FAM53B: variants seen among roughly 807,000 people sequenced by gnomAD.
The protein encoded by FAM53B is protein FAM53B.
A neutral mutation model predicts 32.7 loss-of-function variants in FAM53B; 12 were observed. That is an observed-to-expected ratio of 0.37 (90% CI 0.24 to 0.59). FAM53B has a LOEUF of 0.59. Among genes scored for constraint, FAM53B ranks in the 20% least tolerant of loss-of-function variants. The pLI, the probability that FAM53B is intolerant of heterozygous loss-of-function variation, is 0.72. For missense variants in FAM53B, 477 were observed against 577.7 expected (o/e 0.83, Z 1.79); for synonymous variants, 234 against 228.7 (o/e 1.02, Z -0.21).
rs1438646714 is a variant in FAM53B, at chr10:124,681,683, T to C, written c.830A>G (p.Lys277Arg). 14 of 1,612,488 alleles carry C rather than the reference T, an allele frequency of 8.7e-6. No homozygotes were observed. The highest frequency in any genetic ancestry group is 1.0e-5 in the Non-Finnish European group (12 of 1,179,382). Residue 277 changes from lysine to arginine, a missense_variant, in exon 4 of 5, where the codon AAG becomes AGG. Lys to Arg is a conservative substitution (Grantham distance 26). This residue lies in a region of FAM53B where 312 missense variants were observed against 420.2 expected (regional missense o/e 0.74). Coordinates refer to ENST00000337318, the MANE Select transcript of FAM53B (RefSeq NM_014661.4). ...RSQPCVLNDK[K>R]VGVKRRRPEE... ...AGGGCGCCGCCTTTTAACACCGACCTTCTTGTCGTTAAGGACACACGGCTG... is the reference window on the plus strand; with the variant it reads ...AGGGCGCCGCCTTTTAACACCGACCCTCTTGTCGTTAAGGACACACGGCTG...
At chr10:124,656,744 G>A (rs1240085755) in intron 4 of FAM53B, among the ~76,000 whole-genome samples, 2 of 152,136 alleles carry the variant, frequency 1.3e-5, no homozygotes, top group African/African-American at 2.4e-5. Context: ...ACAAACTAAG[G>A]ATACAAGAGC....
intron 1 of FAM53B, among the ~76,000 whole-genome samples, chr10:124,724,181 G>C (rs1386186298): frequency 4.6e-5 from 7 of 152,216 alleles, no homozygotes; most frequent in African/African-American, 1.7e-4. Context: ...TTTCCTAGAG[G>C]AAGCGGCATG....
rs1254391300 is a variant in FAM53B at position 124,733,187 on chromosome 10, C to G, written c.-175+10826G>C. On this transcript the variant is annotated intron_variant, in intron 1 of 4. Coordinates refer to ENST00000337318, the MANE Select transcript of FAM53B (RefSeq NM_014661.4). The surrounding 1 kb of genome is among the most constrained non-coding windows in gnomAD (Gnocchi z 4.3). ...AACCCTACCAGCCTTGGAAAACACA[C>G]CCCCCAAAGCTAAGATGGGCTGCTA... 6.6e-6 allele frequency among the ~76,000 whole-genome samples: 1 copy of G among 152,208 alleles called. No individual in the cohort carries two copies. Among genetic ancestry groups the G allele is most frequent in the African/African-American group, 2.4e-5 (1 of 41,450 alleles).
Position 124,733,466 on chromosome 10 carries a change from C to G in FAM53B, c.-175+10547G>C, listed in dbSNP as rs1950157347. ...ACAGGCTATGACAGAGCCCAGGGGG[C>G]ACCGAAGCTCCCTCTTCCATCGCAC... On this transcript the variant is annotated intron_variant, in intron 1 of 4. Coordinates refer to ENST00000337318, the MANE Select transcript of FAM53B (RefSeq NM_014661.4). The surrounding 1 kb of genome is among the most constrained non-coding windows in gnomAD (Gnocchi z 4.3). Among the ~76,000 whole-genome samples, 1 of 152,218 alleles carries G rather than the reference C, an allele frequency of 6.6e-6. No homozygotes were observed. The highest frequency in any genetic ancestry group is 1.5e-5 in the Non-Finnish European group (1 of 68,040).
intron 3 of FAM53B, among the ~76,000 whole-genome samples, chr10:124,693,647 G>A (rs943918272): frequency 2.6e-5 from 4 of 152,152 alleles, no homozygotes; most frequent in African/African-American, 9.7e-5. Flanking sequence ...GCAAGCGCAG[G>A]AAAGGGATAG....
intron 4 of FAM53B, among the ~76,000 whole-genome samples, chr10:124,642,090 G>A (rs1949479310): frequency 6.6e-6 from 1 of 152,236 alleles, no homozygotes; most frequent in Non-Finnish European, 1.5e-5. Context: ...GTTCCTCGAG[G>A]AAGAATAAGC....
At chr10:124,729,886 C>A (rs1950130009) in intron 1 of FAM53B, among the ~76,000 whole-genome samples, 1 of 152,170 alleles carries the variant, frequency 6.6e-6, no homozygotes, top group Non-Finnish European at 1.5e-5. Flanking sequence ...TGCCTTCACC[C>A]CTCAGAATGA....
chr10:124,696,243 T>C, intron 2 of FAM53B, 31 bp from the exon 3 acceptor site: 2 of 1,599,106 alleles, frequency 1.3e-6, no homozygotes, highest in Non-Finnish European at 1.7e-6. Flanking sequence ...TATTCACTCT[T>C]CAAATCATAG....
intron 4 of FAM53B, among the ~76,000 whole-genome samples, chr10:124,641,325 G>GT (rs1447615124): frequency 6.6e-6 from 1 of 152,256 alleles, no homozygotes; most frequent in African/African-American, 2.4e-5. Flanking sequence ...CAGATGGGAA[G>GT]TGTGAGCTGT....
At chr10:124,705,247 CCAGGCAA>C (rs910343979) in intron 2 of FAM53B, among the ~76,000 whole-genome samples, 4 of 152,176 alleles carry the variant, frequency 2.6e-5, no homozygotes, top group Non-Finnish European at 5.9e-5. Flanking sequence ...CGTCCAGACA[CCAGGCAA>C]CAGGCAGAGG....
intron 4 of FAM53B, among the ~76,000 whole-genome samples, chr10:124,663,948 C>T (rs570313671): frequency 1.6e-4 from 25 of 152,220 alleles, no homozygotes; most frequent in East Asian, 7.7e-4. Flanking sequence ...CCCAGCCTCC[C>T]TGTTCGTCAG....
At chr10:124,676,346 C>T (rs1949736327) in intron 4 of FAM53B, among the ~76,000 whole-genome samples, 2 of 152,308 alleles carry the variant, frequency 1.3e-5, no homozygotes, top group East Asian at 1.9e-4. Flanking sequence ...GCTTCCCACC[C>T]TGAGAGGAAG....
At chr10:124,672,920 A>C (rs569238357) in intron 4 of FAM53B, among the ~76,000 whole-genome samples, 142 of 152,354 alleles carry the variant, frequency 9.3e-4, no homozygotes, top group African/African-American at 3.3e-3. Context: ...CAGATCAAGA[A>C]GAAATACAGT....
chr10:124,662,545 G>T (rs111565909), intron 4 of FAM53B, among the ~76,000 whole-genome samples: 2,156 of 146,030 alleles, frequency 0.015, 26 homozygotes, highest in Non-Finnish European at 0.023. Flanking sequence ...GGTGGGCACA[G>T]TAGCTCACAT....
intron 2 of FAM53B, chr10:124,704,304 G>A (rs1468095745): frequency 3.9e-5 from 6 of 152,294 alleles, no homozygotes; most frequent in Non-Finnish European, 5.9e-5. Flanking sequence ...CACCTGCCAC[G>A]GGCTGGGCCC....
chr10:124,671,177 A>G (rs1291735667), intron 4 of FAM53B: 2 of 453,952 alleles, frequency 4.4e-6, no homozygotes, highest in East Asian at 7.0e-5. Context: ...AATCTGCTCC[A>G]TTCACAGCAG....
chr10:124,622,469 G>A lies in FAM53B; in HGVS notation c.*773C>T, dbSNP rs537633658. The A allele has an allele frequency of 6.6e-6, 1 of 152,292 alleles. No homozygotes were observed. Among genetic ancestry groups the A allele is most frequent in the African/African-American group, 2.4e-5 (1 of 41,544 alleles). The allele number at this position is 152,292 out of a possible 1,614,324, so 9.4% of individuals were successfully genotyped here. A position where few individuals can be genotyped will look rare whatever the true frequency, so the allele number is the denominator to read the frequency against. ...GCCCCAACGGTGGCAGAGCCATGGGGTCAGCCTCTCCATGCTGTAGGAGAG... is the reference window on the plus strand; with the variant it reads ...GCCCCAACGGTGGCAGAGCCATGGGATCAGCCTCTCCATGCTGTAGGAGAG... On this transcript the variant is annotated 3_prime_UTR_variant, in exon 5 of 5. Coordinates refer to ENST00000337318, the MANE Select transcript of FAM53B (RefSeq NM_014661.4).
rs374366108 is a variant in FAM53B, at chr10:124,672,669, C to G, written c.906+8938G>C. Among the ~76,000 whole-genome samples, 12 of 152,316 alleles carry G rather than the reference C, an allele frequency of 7.9e-5. No individual in the cohort carries two copies. In the East Asian group the frequency reaches 1.4e-3, roughly 17 times the overall value. ...CCCAGCCCTTCTCCAGCCCAGAGTT[C>G]AGAATGCGCAGCCACTTTCAAATGG... is the stretch of plus-strand genomic sequence containing the variant. On this transcript the variant is annotated intron_variant, in intron 4 of 4. Coordinates refer to ENST00000337318, the MANE Select transcript of FAM53B (RefSeq NM_014661.4).
chr10:124,621,373 G>C lies in FAM53B; in HGVS notation c.*1869C>G, dbSNP rs1479799651. On this transcript the variant is annotated 3_prime_UTR_variant, in exon 5 of 5. Coordinates refer to ENST00000337318, the MANE Select transcript of FAM53B (RefSeq NM_014661.4). Reference sequence around the variant, plus strand: ...GGCAGGGACAGGCCAAGATGTCTCTGTCTGCTCAGAGCCACCAGCTCTTGG... The same window carrying C: ...GGCAGGGACAGGCCAAGATGTCTCTCTCTGCTCAGAGCCACCAGCTCTTGG... The C allele has an allele frequency of 2.0e-5, 3 of 152,290 alleles. No homozygotes were observed. Among genetic ancestry groups the C allele is most frequent in the Non-Finnish European group, 4.4e-5 (3 of 68,072 alleles). The allele number at this position is 152,290 out of a possible 1,614,324, so 9.4% of individuals were successfully genotyped here.
Sources: gnomAD v4.1 joint callset for allele counts (sites outside exome capture counted in the v4.1 genomes callset) on GRCh38, gnomAD v4.1.1 for gene constraint, gnomAD v4.1.1 regional missense constraint, Gnocchi (gnomAD v3.1) non-coding constraint, MANE v1.5 for transcripts, NCBI Gene and HGNC (gene_info 2026-07-23, HGNC 2026-07-21) for gene names.